RAD9B: variants seen among roughly 807,000 people sequenced by gnomAD.
RAD9B encodes RAD9 checkpoint clamp component B.
Under a neutral mutation model 48.3 loss-of-function variants are expected in RAD9B, and 41 were observed. That is an observed-to-expected ratio of 0.85 (90% CI 0.66 to 1.10). RAD9B has a LOEUF of 1.10. RAD9B is among the 50% of genes least tolerant of loss of function. The probability of loss-of-function intolerance (pLI) is 0.00; values close to 1 mark genes in which losing one functional copy is unlikely to be tolerated. For missense variants in RAD9B, 444 were observed against 485.1 expected, an observed-to-expected ratio of 0.92 and a Z score of 0.80; for synonymous variants, 160 against 157.9, an observed-to-expected ratio of 1.01 and a Z score of -0.10.
chr12:110,518,107 C>T (rs557373978), intron 6 of RAD9B, among the ~76,000 whole-genome samples: 19 of 152,000 alleles, frequency 1.3e-4, no homozygotes, highest in Middle Eastern at 3.4e-3. Context: ...AAGAGAATGG[C>T]GTGAACCCGG....
chr12:110,525,505 A>G (rs188096187), intron 10 of RAD9B, among the ~76,000 whole-genome samples: 8 of 152,170 alleles, frequency 5.3e-5, no homozygotes, highest in Admixed American at 5.2e-4. Context: ...ATTCAATTTA[A>G]ACTATGTATT....
chr12:110,518,195 GAA>G (rs201639460), intron 6 of RAD9B, among the ~76,000 whole-genome samples: 1 of 136,630 alleles, frequency 7.3e-6, no homozygotes. Context: ...CGTCTCAAAA[GAA>G]AAAAAAAAAA....
chr12:110,510,235 A>G (rs1336734740), intron 4 of RAD9B, among the ~76,000 whole-genome samples: 1 of 151,990 alleles, frequency 6.6e-6, no homozygotes, highest in Non-Finnish European at 1.5e-5. Flanking sequence ...CTTGCTATCT[A>G]TCTCCCCTCT....
chr12:110,526,743 A>C (rs908996492), intron 10 of RAD9B, among the ~76,000 whole-genome samples: 5 of 151,964 alleles, frequency 3.3e-5, no homozygotes. Flanking sequence ...CCCCATCTCT[A>C]CTAAAAATAC....
At position 110,518,797 on chromosome 12, in the gene RAD9B, G is replaced by T. The variant is rs1364489584; in HGVS notation, c.702+15G>T. The T allele has an allele frequency of 6.3e-7, 1 of 1,574,988 alleles. No homozygotes were observed. The highest frequency in any genetic ancestry group is 1.2e-5 in the South Asian group (1 of 86,202). On this transcript the variant is annotated intron_variant, in intron 7 of 10. Transcript: ENST00000409300. ...AAGAATTGAAGGTAAATAAAGATTT[G>T]TATCAATTTAAAATTCAAATTTTCA...
At chr12:110,502,733 G>GGTT in intron 1 of RAD9B, 1 of 195,210 alleles carries the variant, frequency 5.1e-6, no homozygotes, top group Non-Finnish European at 1.0e-5. Flanking sequence ...GCATTAACCT[G>GGTT]GTTTTTTTTT....
In RAD9B at chr12:110,515,122, T is replaced by C. The variant is rs1452340696; in HGVS notation, c.561T>C (p.Asn187=). 6 of 1,554,644 alleles carry C rather than the reference T, an allele frequency of 3.9e-6. No homozygotes were observed. Among genetic ancestry groups the C allele is most frequent in the Non-Finnish European group, 5.2e-6 (6 of 1,147,418 alleles). Residue 187 remains asparagine, a synonymous_variant, in exon 6 of 11, where the codon AAT becomes AAC. Transcript: ENST00000409300. ...EEVTLAVTPL[N]FCLKSSNEES... is the part of the protein sequence containing the mutation. ...TTACTCTTGCTGTTACTCCACTGAA[T>C]TTTTGCCTCAAGAGTTCTAATGAGG... is the stretch of plus-strand genomic sequence containing the variant.
intron 5 of RAD9B, 141 bp from the exon 6 acceptor site, chr12:110,514,909 G>A (rs373331543): frequency 1.1e-5 from 6 of 561,468 alleles, no homozygotes; most frequent in Non-Finnish European, 1.6e-5. Flanking sequence ...TAAGAAAGAA[G>A]GTAGGAGTTT....
intron 6 of RAD9B, among the ~76,000 whole-genome samples, chr12:110,517,879 G>A (rs115295737): frequency 0.022 from 3,382 of 151,956 alleles, 130 homozygotes; most frequent in African/African-American, 0.077. Flanking sequence ...GGTATGTAGG[G>A]TAAGATTGTA....
chr12:110,512,109 T>G (rs2063477902), intron 4 of RAD9B, among the ~76,000 whole-genome samples: 1 of 151,712 alleles, frequency 6.6e-6, no homozygotes, highest in Non-Finnish European at 1.5e-5. Context: ...CCTCCCAAAG[T>G]GCTGGGATTA....
chr12:110,510,768 A>G (rs550490923), intron 4 of RAD9B, among the ~76,000 whole-genome samples: 5 of 152,330 alleles, frequency 3.3e-5, no homozygotes, highest in South Asian at 4.1e-4. Context: ...AGCCTCGGCA[A>G]CATGGAGAAA....
At chr12:110,510,800 A>C (rs1187195092) in intron 4 of RAD9B, among the ~76,000 whole-genome samples, 1 of 152,186 alleles carries the variant, frequency 6.6e-6, no homozygotes, top group Non-Finnish European at 1.5e-5. Context: ...CCAAAAATAC[A>C]AAAATTAGCC....
At chr12:110,505,006 A>G (rs2063220742) in intron 2 of RAD9B, among the ~76,000 whole-genome samples, 1 of 152,156 alleles carries the variant, frequency 6.6e-6, no homozygotes, top group Non-Finnish European at 1.5e-5. Flanking sequence ...TTTTTGAAAA[A>G]AAGTAAAAAA....
At position 110,531,496 on chromosome 12, in the gene RAD9B, G is replaced by A; in HGVS notation, c.*843G>A. 1.9e-6 allele frequency: 2 copies of A among 1,027,274 alleles called. No homozygotes were observed. Among genetic ancestry groups the A allele is most frequent in the African/African-American group, 1.6e-5 (1 of 62,722 alleles). The allele number at this position is 1,027,274 out of a possible 1,614,324, so 63.6% of individuals were successfully genotyped here. ...CTTGAGCCACTGCGCCCAACCTGGA[G>A]TGTTTTTACATATTGTAAAATTTTA... On this transcript the variant is annotated 3_prime_UTR_variant, in exon 11 of 11. Transcript: ENST00000409300.
intron 1 of RAD9B, chr12:110,502,618 TG>T (rs1376933602): frequency 1.8e-6 from 1 of 543,846 alleles, no homozygotes; most frequent in Non-Finnish European, 3.3e-6. Flanking sequence ...GAAATAGAGT[TG>T]TACCATCGGG....
chr12:110,507,591 AATAC>A (rs1323586573), intron 4 of RAD9B, among the ~76,000 whole-genome samples: 3 of 145,136 alleles, frequency 2.1e-5, no homozygotes, highest in South Asian at 2.1e-4. Context: ...ATATATACAT[AATAC>A]ATATTATGTA....
chr12:110,530,431 C>A, intron 10 of RAD9B, 94 bp from the exon 11 acceptor site: 1 of 1,104,754 alleles, frequency 9.1e-7, no homozygotes, highest in Non-Finnish European at 1.4e-6. Context: ...GGATATAATA[C>A]TGGTCAGGTT....
chr12:110,508,021 T>A (rs780079160), intron 4 of RAD9B: 12 of 167,796 alleles, frequency 7.2e-5, no homozygotes, highest in East Asian at 1.9e-4. Flanking sequence ...GTCTTTAAAT[T>A]GTTTCCTATA....
chr12:110,520,628 C>CTTTTTTTTTTTTTTTTTTTTTTGTTTTT (rs71083129), intron 9 of RAD9B, among the ~76,000 whole-genome samples: 1 of 99,968 alleles, frequency 1.0e-5, no homozygotes, highest in African/African-American at 4.0e-5. Flanking sequence ...TTCTTGCTTT[C>CTTTTTTTTTTTTTTTTTTTTTTGTTTTT]TTTTTTTTTT....
Sources: gnomAD v4.1 joint callset for allele counts (sites outside exome capture counted in the v4.1 genomes callset) on GRCh38, gnomAD v4.1.1 for gene constraint, MANE v1.5 for transcripts, NCBI Gene and HGNC (gene_info 2026-07-23, HGNC 2026-07-21) for gene names.